The following EEIG2 variants were observed in gnomAD, a reference collection of about 807,000 sequenced individuals.
EEIG2 encodes EEIG family member 2, also known as family with sequence similarity 102 member B.
the EEIG2 span, among the ~76,000 whole-genome samples, chr1:108,623,770 C>G: frequency 3.3e-5 from 5 of 151,984 alleles, no homozygotes; most frequent in African/African-American, 1.2e-4. Flanking sequence ...CTCCCGGGTT[C>G]AAGTGATTCT....
chr1:108,565,661 A>G, the EEIG2 span, among the ~76,000 whole-genome samples: 6 of 152,184 alleles, frequency 3.9e-5, no homozygotes, highest in African/African-American at 1.4e-4. Context: ...TAAGTTTCAC[A>G]TGAGGCTGTG....
chr1:108,593,168 A>T, the EEIG2 span, among the ~76,000 whole-genome samples: 1 of 152,182 alleles, frequency 6.6e-6, no homozygotes, highest in African/African-American at 2.4e-5. Context: ...AAAAAAATAA[A>T]AAATAAATAC....
At chr1:108,629,705 A>T in the EEIG2 span, 227 of 1,436,366 alleles carry the variant, frequency 1.6e-4, no homozygotes, top group African/African-American at 2.6e-4. Flanking sequence ...TAATTTTTTT[A>T]AAAAAATCAT....
chr1:108,634,911 T>C, the EEIG2 span, among the ~76,000 whole-genome samples: 1 of 152,206 alleles, frequency 6.6e-6, no homozygotes, highest in Admixed American at 6.5e-5. Context: ...AGAATCAGGA[T>C]CTAGGCTAAT....
chr1:108,573,453 T>C, the EEIG2 span, among the ~76,000 whole-genome samples: 169 of 152,292 alleles, frequency 1.1e-3, no homozygotes, highest in African/African-American at 3.9e-3. Context: ...TCATATAGCC[T>C]TGGCTGGGAA....
chr1:108,590,609 G>A, the EEIG2 span, among the ~76,000 whole-genome samples: 1 of 152,190 alleles, frequency 6.6e-6, no homozygotes, highest in African/African-American at 2.4e-5. Context: ...GAGAGGTTAG[G>A]AACGTGTCCA....
the EEIG2 span, chr1:108,628,762 A>G: frequency 6.2e-7 from 1 of 1,613,396 alleles, no homozygotes; most frequent in Non-Finnish European, 8.5e-7. Flanking sequence ...TGTAGAGAAA[A>G]TATTACAAAG....
At chr1:108,620,275 A>C in the EEIG2 span, among the ~76,000 whole-genome samples, 1 of 152,200 alleles carries the variant, frequency 6.6e-6, no homozygotes, top group South Asian at 2.1e-4. Context: ...TTTAAATCCT[A>C]GTTTTAATAT....
chr1:108,634,082 A>G, the EEIG2 span, among the ~76,000 whole-genome samples: 5 of 151,996 alleles, frequency 3.3e-5, no homozygotes, highest in African/African-American at 4.8e-5. Context: ...CACTTATTCT[A>G]TCCGGTTTTC....
chr1:108,628,565 G>C, the EEIG2 span: 2 of 1,607,876 alleles, frequency 1.2e-6, no homozygotes, highest in Non-Finnish European at 8.5e-7. Flanking sequence ...AGAAGATACA[G>C]CTTCAGAAAA....
chr1:108,560,143 C>CGGCGGCGGCG, the EEIG2 span: 1 of 178,364 alleles, frequency 5.6e-6, no homozygotes, highest in Non-Finnish European at 1.1e-5. Flanking sequence ...GCGGCGGCGG[C>CGGCGGCGGCG]GAGCTGAGCA....
At chr1:108,579,251 C>A in the EEIG2 span, among the ~76,000 whole-genome samples, 1 of 39,206 alleles carries the variant, frequency 2.6e-5, no homozygotes, top group Non-Finnish European at 6.2e-5. Context: ...GAAGATCTAC[C>A]AAGCAAATGG....
chr1:108,620,843 C>G, the EEIG2 span, among the ~76,000 whole-genome samples: 1 of 152,192 alleles, frequency 6.6e-6, no homozygotes, highest in Non-Finnish European at 1.5e-5. Flanking sequence ...AGACCAGCCC[C>G]TGCTCTGAAG....
At chr1:108,631,034 A>T in the EEIG2 span, 6 of 223,952 alleles carry the variant, frequency 2.7e-5, no homozygotes, top group Non-Finnish European at 5.7e-5. Flanking sequence ...CAGATATCAT[A>T]AGTAGGTAAG....
At chr1:108,626,795 G>A in the EEIG2 span, 1 of 152,050 alleles carries the variant, frequency 6.6e-6, no homozygotes, top group Non-Finnish European at 1.5e-5. Flanking sequence ...TTTACCAAAC[G>A]ATCTGCTTCC....
the EEIG2 span, among the ~76,000 whole-genome samples, chr1:108,609,191 C>T: frequency 6.6e-6 from 1 of 152,120 alleles, no homozygotes; most frequent in South Asian, 2.1e-4. Flanking sequence ...AGCCAATGGG[C>T]TATTGTTTTA....
At chr1:108,608,559 T>G in the EEIG2 span, among the ~76,000 whole-genome samples, 1 of 152,216 alleles carries the variant, frequency 6.6e-6, no homozygotes. Context: ...TTTCTGGTTC[T>G]TCACTAGAAT....
At chr1:108,583,677 A>G in the EEIG2 span, among the ~76,000 whole-genome samples, 2 of 152,200 alleles carry the variant, frequency 1.3e-5, no homozygotes, top group Non-Finnish European at 2.9e-5. Context: ...ATATGACAGT[A>G]TGTGGTAAGT....
At chr1:108,619,245 AAGAC>A in the EEIG2 span, among the ~76,000 whole-genome samples, 1 of 152,216 alleles carries the variant, frequency 6.6e-6, no homozygotes, top group Non-Finnish European at 1.5e-5. Context: ...TTTACAGAGA[AAGAC>A]TTTTGTAATT....
Sources: gnomAD v4.1 joint callset for allele counts (sites outside exome capture counted in the v4.1 genomes callset) on GRCh38, gnomAD v4.1.1 for gene constraint, MANE v1.5 for transcripts, NCBI Gene and HGNC (gene_info 2026-07-23, HGNC 2026-07-21) for gene names.